CFAP61: variants seen among roughly 807,000 people sequenced by gnomAD.
CFAP61 encodes the protein cilia- and flagella-associated protein 61.
A neutral mutation model predicts 135.6 loss-of-function variants in CFAP61; 107 were observed. That is an observed-to-expected ratio of 0.79 (90% CI 0.67 to 0.93). The LOEUF (loss-of-function observed/expected upper bound fraction) is 0.93. Among genes scored for constraint, CFAP61 ranks in the 40% least tolerant of loss-of-function variants. The probability of loss-of-function intolerance (pLI) is 0.00; values close to 1 mark genes in which losing one functional copy is unlikely to be tolerated. For synonymous variants in CFAP61, 575 were observed against 578.5 expected (o/e 0.99, Z 0.09); for missense variants, 1,507 against 1,556.2 (o/e 0.97, Z 0.53).
rs531696385 is a variant in CFAP61, at chr20:20,296,449, C to T, written c.3217-1732C>T. Among the ~76,000 whole-genome samples, 4 of 145,110 alleles carry T rather than the reference C, an allele frequency of 2.8e-5. No individual in the cohort carries two copies. In the East Asian group the frequency reaches 8.4e-4, roughly 31 times the overall value. On this transcript the variant is annotated intron_variant, in intron 24 of 26. Transcript: ENST00000245957. ...TTCCTCCCTCCCTCCTTCCTTCCCT[C>T]CTTCCTGCCTTCCTTCCTTCCTTTC...
At chr20:20,211,064 T>C (rs1400361346) in intron 17 of CFAP61, among the ~76,000 whole-genome samples, 1 of 152,148 alleles carries the variant, frequency 6.6e-6, no homozygotes, top group African/African-American at 2.4e-5. Context: ...CAAATTAAAC[T>C]GAGATGGATT....
chr20:20,241,024 C>T (rs1444382437), intron 18 of CFAP61, among the ~76,000 whole-genome samples: 1 of 152,202 alleles, frequency 6.6e-6, no homozygotes, highest in Non-Finnish European at 1.5e-5. Flanking sequence ...TCCGTCCTAT[C>T]AGCACGAAAC....
chr20:20,253,394 T>C (rs934259695), intron 20 of CFAP61: 2 of 236,252 alleles, frequency 8.5e-6, no homozygotes, highest in Non-Finnish European at 1.7e-5. Flanking sequence ...AACAATTTGT[T>C]CCTTTTCAAT....
At chr20:20,181,242 G>GTA (rs566116866) in intron 13 of CFAP61, among the ~76,000 whole-genome samples, 51 of 143,218 alleles carry the variant, frequency 3.6e-4, no homozygotes, top group African/African-American at 1.2e-3. Context: ...ACTTTTATGT[G>GTA]TATATATATA....
chr20:20,329,876 C>T (rs1569303299), intron 25 of CFAP61, among the ~76,000 whole-genome samples: 1 of 152,352 alleles, frequency 6.6e-6, no homozygotes, highest in South Asian at 2.1e-4. Context: ...TAAGTGATGG[C>T]GGAGCTCCCG....
chr20:20,156,496 C>G (rs1194242759), intron 9 of CFAP61, among the ~76,000 whole-genome samples: 1 of 152,176 alleles, frequency 6.6e-6, no homozygotes, highest in East Asian at 1.9e-4. Context: ...CCTTTTCTCA[C>G]CACTTCTAAT....
Position 20,134,969 on chromosome 20 carries a change from C to T in CFAP61, c.860-7888C>T, listed in dbSNP as rs548494052. Among the ~76,000 whole-genome samples, 532 of 147,746 alleles carry T rather than the reference C, an allele frequency of 3.6e-3. 4 individuals are homozygous for T. Among genetic ancestry groups the T allele is most frequent in the African/African-American group, 0.013 (518 of 40,290 alleles). On this transcript the variant is annotated intron_variant, in intron 8 of 26. Coordinates refer to ENST00000245957, the MANE Select transcript of CFAP61 (RefSeq NM_015585.4). ...AATCTCTGGAACCTGTAAATGTCAC[C>T]TTTTTTTTTTTTGAAAGGTCTTTGT...
At chr20:20,067,716 T>G (rs2045391722) in intron 2 of CFAP61, among the ~76,000 whole-genome samples, 1 of 145,536 alleles carries the variant, frequency 6.9e-6, no homozygotes. Flanking sequence ...ATTTTATATA[T>G]AATATATATT....
At chr20:20,151,787 G>A (rs1167928697) in intron 9 of CFAP61, among the ~76,000 whole-genome samples, 11 of 128,010 alleles carry the variant, frequency 8.6e-5, no homozygotes, top group Admixed American at 5.9e-4. Flanking sequence ...CTGAGATGGC[G>A]CCACTGCACT....
At chr20:20,249,033 T>TC (rs1184878511) in intron 19 of CFAP61, among the ~76,000 whole-genome samples, 1 of 152,222 alleles carries the variant, frequency 6.6e-6, no homozygotes, top group Admixed American at 6.5e-5. Flanking sequence ...TTCTCTGTTT[T>TC]CGGATGAAGC....
intron 25 of CFAP61, among the ~76,000 whole-genome samples, chr20:20,310,894 G>A (rs934965655): frequency 6.6e-6 from 1 of 152,320 alleles, no homozygotes; most frequent in Admixed American, 6.5e-5. Flanking sequence ...GTTCCATGGA[G>A]TGAGGGAGAG....
chr20:20,330,448 A>G (rs1047972704), intron 25 of CFAP61, among the ~76,000 whole-genome samples: 7 of 151,894 alleles, frequency 4.6e-5, no homozygotes, highest in Non-Finnish European at 1.0e-4. Flanking sequence ...TGATCCTCCC[A>G]CCTCAGTCTC....
intron 17 of CFAP61, among the ~76,000 whole-genome samples, chr20:20,208,729 G>T (rs990439960): frequency 4.0e-4 from 61 of 152,204 alleles, no homozygotes; most frequent in Non-Finnish European, 8.8e-4. Context: ...ATTTGCCCCT[G>T]GAGGTGCCCC....
At chr20:20,212,802 T>C (rs2047749030) in intron 17 of CFAP61, among the ~76,000 whole-genome samples, 1 of 152,200 alleles carries the variant, frequency 6.6e-6, no homozygotes, top group South Asian at 2.1e-4. Context: ...GGAGAGTTAA[T>C]TGATGTCATT....
chr20:20,314,713 A>G (rs1300727237), intron 25 of CFAP61, among the ~76,000 whole-genome samples: 4 of 108,326 alleles, frequency 3.7e-5, no homozygotes, highest in African/African-American at 1.4e-4. Flanking sequence ...CAGTCCCCAG[A>G]GTGTGATGTT....
At chr20:20,241,954 C>T (rs2050040971) in intron 18 of CFAP61, among the ~76,000 whole-genome samples, 1 of 152,054 alleles carries the variant, frequency 6.6e-6, no homozygotes. Context: ...ATAAGATGTG[C>T]TCAGTTTTCT....
At chr20:20,332,395 G>C (rs2058034315) in intron 25 of CFAP61, among the ~76,000 whole-genome samples, 3 of 152,218 alleles carry the variant, frequency 2.0e-5, no homozygotes, top group African/African-American at 7.2e-5. Flanking sequence ...GAATGCCTGG[G>C]CCTTAATTCC....
At chr20:20,235,214 G>A (rs953082145) in intron 18 of CFAP61, among the ~76,000 whole-genome samples, 3 of 152,022 alleles carry the variant, frequency 2.0e-5, no homozygotes, top group Non-Finnish European at 4.4e-5. Context: ...TATTTAATGG[G>A]ATCATAAACT....
At chr20:20,111,929 G>A (rs193227258) in intron 8 of CFAP61, among the ~76,000 whole-genome samples, 1 of 152,124 alleles carries the variant, frequency 6.6e-6, no homozygotes. Flanking sequence ...CTAGAGTTTT[G>A]GAATATATGA....
Sources: allele counts gnomAD v4.1 joint callset (sites outside exome capture counted in the v4.1 genomes callset), GRCh38; gene constraint gnomAD v4.1.1; transcripts MANE v1.5; gene names NCBI Gene and HGNC (gene_info 2026-07-23, HGNC 2026-07-21).